The following VASH2 variants were observed in gnomAD, a reference collection of about 807,000 sequenced individuals.
VASH2 encodes vasohibin 2.
Under a neutral mutation model 37.2 loss-of-function variants are expected in VASH2, and 28 were observed. The observed-to-expected ratio is 0.75, with a 90% CI of 0.56 to 1.03. The LOEUF (loss-of-function observed/expected upper bound fraction) is 1.03. VASH2 is among the 50% of genes least tolerant of loss of function. The pLI is 0.00. For synonymous variants in VASH2, 188 were observed against 174.7 expected, an observed-to-expected ratio of 1.08 and a Z score of -0.60; for missense variants, 419 against 459.1, an observed-to-expected ratio of 0.91 and a Z score of 0.80.
At chr1:212,954,978 A>G (rs895192737) in intron 2 of VASH2, among the ~76,000 whole-genome samples, 4 of 152,184 alleles carry the variant, frequency 2.6e-5, no homozygotes, top group African/African-American at 9.6e-5. Context: ...TAACATGGGA[A>G]GAGCCTCAAA....
intron 2 of VASH2, among the ~76,000 whole-genome samples, chr1:212,960,827 C>T (rs558171956): frequency 2.6e-5 from 4 of 152,296 alleles, no homozygotes; most frequent in East Asian, 3.9e-4. Context: ...GGGCCAGGCT[C>T]GGTGGGGGGA....
In VASH2 at chr1:212,972,797, T is replaced by C; in HGVS notation, c.715T>C (p.Tyr239His). 1.9e-6 allele frequency: 3 copies of C among 1,614,178 alleles called. No individual in the cohort carries two copies. The highest frequency in any genetic ancestry group is 2.5e-6 in the Non-Finnish European group (3 of 1,180,024). ...TGACTTTGAGGACTCTTACAAGAAA[T>C]ACCTGCACACAGTCAAGAAGGTCAA... ...IFDFEDSYKK[Y>H]LHTVKKVKIG... Residue 239 changes from tyrosine (Y) to histidine (H), a missense_variant, in exon 6 of 8, where the codon TAC becomes CAC. By Grantham distance (83) the Tyr-to-His change is moderately conservative. Coordinates refer to ENST00000517399, the MANE Select transcript of VASH2 (RefSeq NM_001301056.2).
At position 212,989,574 on chromosome 1, in the gene VASH2, C is replaced by T. The variant is rs2075836781; in HGVS notation, c.*990C>T. 1 of 152,102 alleles carries T rather than the reference C, an allele frequency of 6.6e-6. No homozygotes were observed. The highest frequency in any genetic ancestry group is 2.4e-5 in the African/African-American group (1 of 41,408). The allele number at this position is 152,102 out of a possible 1,614,324, so 9.4% of individuals were successfully genotyped here. A position where few individuals can be genotyped will look rare whatever the true frequency, so the allele number is the denominator to read the frequency against. On this transcript the variant is annotated 3_prime_UTR_variant, in exon 8 of 8. Transcript: ENST00000517399. ...CTTCTGAAGGATGCCAAGAATCAAACTAAGGGAGGACTCACTGTTAAAGAT... is the reference window on the plus strand; with the variant it reads ...CTTCTGAAGGATGCCAAGAATCAAATTAAGGGAGGACTCACTGTTAAAGAT...
intron 3 of VASH2, among the ~76,000 whole-genome samples, chr1:212,962,755 G>A (rs1283404638): frequency 1.3e-5 from 2 of 152,172 alleles, no homozygotes; most frequent in Admixed American, 6.5e-5. Flanking sequence ...AGGAGGTAGC[G>A]CCGGTCTCCA....
At chr1:212,986,059 C>G (rs1423909715) in intron 7 of VASH2, among the ~76,000 whole-genome samples, 3 of 152,102 alleles carry the variant, frequency 2.0e-5, no homozygotes, top group African/African-American at 7.2e-5. Context: ...TTAGATAAAT[C>G]AGTTATGAAA....
chr1:212,951,842 T>TG lies in VASH2; in HGVS notation c.276+30dup. 4.4e-6 allele frequency: 7 copies of TG among 1,585,198 alleles called. No individual in the cohort carries two copies. The highest frequency in any genetic ancestry group is 5.1e-6 in the Non-Finnish European group (6 of 1,171,148). The stretch of plus-strand genomic sequence containing the variant: ...AGGTCAGTGGCTTCCAGGGCGGAGT[T>TG]GGGGGGCTGGGGGTAGGTAGGCAGC... On this transcript the variant is annotated intron_variant, in intron 2 of 7. Transcript: ENST00000517399. This position sits in a 1 kb window ranked among gnomAD's most constrained non-coding sequence, Gnocchi z 4.4.
intron 7 of VASH2, among the ~76,000 whole-genome samples, chr1:212,978,484 G>T (rs77149609): frequency 6.6e-6 from 1 of 152,142 alleles, no homozygotes; most frequent in African/African-American, 2.4e-5. Flanking sequence ...CCCCAAAGTC[G>T]ATCCCAGCCC....
chr1:212,972,437 G>A lies in VASH2; in HGVS notation c.498-143G>A, dbSNP rs916360648. ...ATAACAAGCGAATCCTTTATAAAAG[G>A]ATTAGTCTGGAAAAGTTAGATGTGG... On this transcript the variant is annotated intron_variant, in intron 5 of 7. Transcript: ENST00000517399. 5.4e-6 allele frequency: 5 copies of A among 917,934 alleles called. No homozygotes were observed. The African/African-American group carries it at 8.3e-5, about 15-fold the overall frequency. 56.9% of individuals were successfully genotyped at this position (917,934 alleles called of 1,614,324 possible).
At chr1:212,964,906 G>T (rs1666792902) in intron 3 of VASH2, among the ~76,000 whole-genome samples, 1 of 148,846 alleles carries the variant, frequency 6.7e-6, no homozygotes, top group Admixed American at 6.7e-5. Context: ...ACTTGCATAT[G>T]TTGGGTTTCT....
intron 2 of VASH2, among the ~76,000 whole-genome samples, 153 bp from the exon 3 acceptor site, chr1:212,961,013 G>A (rs111948459): frequency 2.0e-5 from 3 of 152,322 alleles, no homozygotes; most frequent in Admixed American, 6.5e-5. Flanking sequence ...AGGAGGCACT[G>A]CTCAATCAGG....
At position 212,951,955 on chromosome 1, in the gene VASH2, C is replaced by T; in HGVS notation, c.276+137C>T. ...ACAAACTCCCTTCCTCTCCCCATTC[C>T]TTCCTGCCAGCCCTTTTCTAATTGA... On this transcript the variant is annotated intron_variant, in intron 2 of 7. Coordinates refer to ENST00000517399, the MANE Select transcript of VASH2 (RefSeq NM_001301056.2). The surrounding 1 kb of genome is among the most constrained non-coding windows in gnomAD (Gnocchi z 4.4). The T allele has an allele frequency of 2.8e-6, 3 of 1,076,742 alleles. No individual in the cohort carries two copies. Among genetic ancestry groups the T allele is most frequent in the East Asian group, 2.6e-5 (1 of 38,242 alleles). The allele number at this position is 1,076,742 out of a possible 1,614,324, so 66.7% of individuals were successfully genotyped here.
chr1:212,957,436 C>T (rs1453483567), intron 2 of VASH2, among the ~76,000 whole-genome samples: 1 of 152,128 alleles, frequency 6.6e-6, no homozygotes, highest in African/African-American at 2.4e-5. Flanking sequence ...GAGCAGTGAA[C>T]GTTTTCATCC....
At chr1:212,959,345 G>A (rs1034822154) in intron 2 of VASH2, among the ~76,000 whole-genome samples, 6 of 152,170 alleles carry the variant, frequency 3.9e-5, no homozygotes, top group Non-Finnish European at 7.3e-5. Flanking sequence ...GACTCTCTCA[G>A]ACAGCAATGT....
At chr1:212,983,917 C>T (rs1173445975) in intron 7 of VASH2, among the ~76,000 whole-genome samples, 1 of 152,210 alleles carries the variant, frequency 6.6e-6, no homozygotes, top group Non-Finnish European at 1.5e-5. Context: ...GGCTCCAACA[C>T]TTGCTAACTG....
Position 212,971,696 on chromosome 1 carries a change from G to T in VASH2, c.498-884G>T, listed in dbSNP as rs532853202. 6.6e-6 allele frequency among the ~76,000 whole-genome samples: 1 copy of T among 152,182 alleles called. No homozygotes were observed. The highest frequency in any genetic ancestry group is 1.5e-5 in the Non-Finnish European group (1 of 68,028). ...TTCTTTCTAGAGAGTGGAGGCATCC[G>T]TGATTAAACCGAGAGCAGAGGACAA... On this transcript the variant is annotated intron_variant, in intron 5 of 7. Transcript: ENST00000517399. The surrounding 1 kb of genome is among the most constrained non-coding windows in gnomAD (Gnocchi z 4.0).
chr1:212,965,820 A>G (rs1666824235), intron 4 of VASH2, 42 bp downstream of exon 4: 4 of 1,524,128 alleles, frequency 2.6e-6, no homozygotes, highest in Non-Finnish European at 3.6e-6. Flanking sequence ...CCTCTCTCCT[A>G]CATTCGAGCT....
chr1:212,958,980 C>T (rs1009478671), intron 2 of VASH2, among the ~76,000 whole-genome samples: 2 of 152,202 alleles, frequency 1.3e-5, no homozygotes, highest in East Asian at 3.9e-4. Context: ...CTGCCCACCT[C>T]GGCCTCCCAA....
chr1:212,965,576 A>G, intron 3 of VASH2, 146 bp from the exon 4 acceptor site: 2 of 623,570 alleles, frequency 3.2e-6, no homozygotes, highest in Non-Finnish European at 5.7e-6. Context: ...GTTAGAGGCT[A>G]CTACTAGCTA....
intron 7 of VASH2, among the ~76,000 whole-genome samples, chr1:212,982,247 T>C (rs1443298349): frequency 6.6e-6 from 1 of 152,222 alleles, no homozygotes; most frequent in Non-Finnish European, 1.5e-5. Flanking sequence ...TCTGTGCATG[T>C]GGATATCCTT....
Sources: allele counts gnomAD v4.1 joint callset (sites outside exome capture counted in the v4.1 genomes callset), GRCh38; gene constraint gnomAD v4.1.1; non-coding constraint Gnocchi (gnomAD v3.1); transcripts MANE v1.5; gene names NCBI Gene and HGNC (gene_info 2026-07-23, HGNC 2026-07-21).